The following SEMA5A variants were observed in gnomAD, a reference collection of about 807,000 sequenced individuals.
SEMA5A encodes the protein semaphorin-5A.
Under a neutral mutation model 135.5 loss-of-function variants are expected in SEMA5A, and 55 were observed. The observed-to-expected ratio is 0.41, with a 90% CI of 0.33 to 0.51. The LOEUF is 0.51. Ranked by LOEUF, SEMA5A falls within the 20% of genes least tolerant of loss-of-function variation. SEMA5A has a pLI of 0.37. For synonymous variants in SEMA5A, 580 were observed against 546.5 expected (o/e 1.06, Z -0.85); for missense variants, 1,290 against 1,419.9 (o/e 0.91, Z 1.47).
chr5:9,210,623 G>T (rs1806049), intron 8 of SEMA5A, among the ~76,000 whole-genome samples: 63,180 of 151,958 alleles, frequency 0.42, 13,509 homozygotes, highest in South Asian at 0.57. Context: ...CAAAGGGAAG[G>T]TCAGCAGCTT....
intron 16 of SEMA5A, among the ~76,000 whole-genome samples, chr5:9,094,621 T>C (rs1739221392): frequency 6.6e-6 from 1 of 152,248 alleles, no homozygotes; most frequent in South Asian, 2.1e-4. Flanking sequence ...CTTCTGACTT[T>C]ATGTGCGGAG....
At chr5:9,090,153 C>T (rs376208902) in intron 16 of SEMA5A, among the ~76,000 whole-genome samples, 1 of 152,310 alleles carries the variant, frequency 6.6e-6, no homozygotes, top group East Asian at 1.9e-4. Context: ...CTCTTAAACC[C>T]TGAGTCTTGA....
intron 1 of SEMA5A, among the ~76,000 whole-genome samples, chr5:9,462,454 T>C (rs1016179980): frequency 6.6e-6 from 1 of 152,130 alleles, no homozygotes; most frequent in South Asian, 2.1e-4. Flanking sequence ...ACCATTCAAC[T>C]CAGCAATCCC....
chr5:9,517,853 A>C (rs1561315831), intron 1 of SEMA5A: 2 of 152,182 alleles, frequency 1.3e-5, no homozygotes, highest in African/African-American at 2.4e-5. Context: ...TAGACTTAGA[A>C]AGAAAAAACA....
intron 2 of SEMA5A, among the ~76,000 whole-genome samples, chr5:9,388,916 AAG>A (rs1383885794): frequency 1.3e-5 from 2 of 152,124 alleles, no homozygotes; most frequent in Non-Finnish European, 2.9e-5. Context: ...AAAAGAAAGA[AAG>A]AAAGAAAAAA....
At chr5:9,476,817 C>T (rs911543084) in intron 1 of SEMA5A, among the ~76,000 whole-genome samples, 4 of 152,060 alleles carry the variant, frequency 2.6e-5, no homozygotes, top group Non-Finnish European at 5.9e-5. Context: ...TCATATCTGT[C>T]ATCCCAGCAG....
At chr5:9,507,573 T>G (rs1487925628) in intron 1 of SEMA5A, among the ~76,000 whole-genome samples, 1 of 152,122 alleles carries the variant, frequency 6.6e-6, no homozygotes, top group Non-Finnish European at 1.5e-5. Flanking sequence ...CAATCTCCTG[T>G]AAAGTCTTTG....
At chr5:9,046,151 G>T (rs776698224) in intron 21 of SEMA5A, among the ~76,000 whole-genome samples, 1 of 152,154 alleles carries the variant, frequency 6.6e-6, no homozygotes, top group Non-Finnish European at 1.5e-5. Context: ...CCTGCTCAGA[G>T]CACATCCTGA....
At chr5:9,212,285 A>ATTTAATGT (rs1352884681) in intron 8 of SEMA5A, among the ~76,000 whole-genome samples, 5 of 152,244 alleles carry the variant, frequency 3.3e-5, no homozygotes, top group Admixed American at 1.3e-4. Context: ...TATTTTAAGC[A>ATTTAATGT]TCAACCATTA....
chr5:9,207,386 T>C (rs1044058353), intron 8 of SEMA5A, among the ~76,000 whole-genome samples: 5 of 152,064 alleles, frequency 3.3e-5, no homozygotes, highest in Non-Finnish European at 5.9e-5. Context: ...GGTTTCTCCA[T>C]GTTGGTTAGA....
At chr5:9,495,788 T>C (rs781269244) in intron 1 of SEMA5A, among the ~76,000 whole-genome samples, 5 of 152,250 alleles carry the variant, frequency 3.3e-5, no homozygotes, top group South Asian at 4.1e-4. Flanking sequence ...TTGTAGTTTA[T>C]CCTTAATTCT....
intron 16 of SEMA5A, among the ~76,000 whole-genome samples, chr5:9,098,044 G>T (rs1739419927): frequency 6.6e-6 from 1 of 152,036 alleles, no homozygotes. Flanking sequence ...GGGAGTTTAA[G>T]ACCAGCCTGG....
At chr5:9,278,437 T>C (rs1032728879) in intron 5 of SEMA5A, among the ~76,000 whole-genome samples, 2 of 152,224 alleles carry the variant, frequency 1.3e-5, no homozygotes, top group Non-Finnish European at 2.9e-5. Flanking sequence ...ATTTGCAGTA[T>C]GGCCATGTCG....
chr5:9,517,948 T>C (rs1441228651), intron 1 of SEMA5A: 1 of 152,178 alleles, frequency 6.6e-6, no homozygotes, highest in Admixed American at 6.5e-5. Context: ...GAAGCAACGA[T>C]TTGCCTCATC....
At chr5:9,052,052 A>G in intron 19 of SEMA5A, 24 bp from the exon 20 acceptor site, 1 of 1,542,862 alleles carries the variant, frequency 6.5e-7, no homozygotes, top group Non-Finnish European at 8.7e-7. Context: ...AAAAGGGGAG[A>G]TGGGGCGGAA....
At chr5:9,485,774 G>A (rs1734677497) in intron 1 of SEMA5A, among the ~76,000 whole-genome samples, 1 of 152,132 alleles carries the variant, frequency 6.6e-6, no homozygotes, top group Non-Finnish European at 1.5e-5. Flanking sequence ...AGACTCTCAA[G>A]ATGACCAAAA....
chr5:9,242,769 TA>T (rs202044385), intron 5 of SEMA5A, among the ~76,000 whole-genome samples: 22 of 152,168 alleles, frequency 1.4e-4, no homozygotes, highest in South Asian at 1.0e-3. Context: ...TATGGGAAAA[TA>T]AATTTTTTTT....
At chr5:9,308,226 C>T (rs1257115646) in intron 5 of SEMA5A, among the ~76,000 whole-genome samples, 2 of 152,148 alleles carry the variant, frequency 1.3e-5, no homozygotes, top group Non-Finnish European at 1.5e-5. Flanking sequence ...TGGCTGCTGT[C>T]ACTGTTAGCT....
At chr5:9,333,235 C>A (rs1162107140) in intron 4 of SEMA5A, among the ~76,000 whole-genome samples, 1 of 152,206 alleles carries the variant, frequency 6.6e-6, no homozygotes, top group Non-Finnish European at 1.5e-5. Flanking sequence ...GACTCCACAT[C>A]TTCCCCACAG....
Sources: allele counts gnomAD v4.1 joint callset (sites outside exome capture counted in the v4.1 genomes callset), GRCh38; gene constraint gnomAD v4.1.1; transcripts MANE v1.5; gene names NCBI Gene and HGNC (gene_info 2026-07-23, HGNC 2026-07-21).